RGS20: variants seen among roughly 807,000 people sequenced by gnomAD.
RGS20 encodes regulator of G protein signaling 20, also known as gz-selective GTPase-activating protein.
A neutral mutation model predicts 33.6 loss-of-function variants in RGS20; 30 were observed. The observed-to-expected ratio is 0.89, with a 90% CI of 0.67 to 1.21. RGS20 has a LOEUF of 1.21. RGS20 is among the 50% of genes most tolerant of loss of function. The probability of loss-of-function intolerance (pLI) is 0.00; values close to 1 mark genes in which losing one functional copy is unlikely to be tolerated. For missense variants in RGS20, 472 were observed against 502.4 expected (o/e 0.94, Z 0.58); for synonymous variants, 208 against 197.9 (o/e 1.05, Z -0.43).
chr8:53,868,233 C>T (rs1269069018), intron 1 of RGS20, among the ~76,000 whole-genome samples: 1 of 152,054 alleles, frequency 6.6e-6, no homozygotes, highest in Non-Finnish European at 1.5e-5. Context: ...AAATTTTGGT[C>T]TAAGATGATG....
chr8:53,888,617 C>T (rs967710062), intron 2 of RGS20, among the ~76,000 whole-genome samples: 21 of 152,144 alleles, frequency 1.4e-4, no homozygotes, highest in African/African-American at 5.1e-4. Flanking sequence ...TGTCTCTAGA[C>T]ATTGCCAAGC....
At chr8:53,932,677 G>A (rs1053028551) in intron 2 of RGS20, among the ~76,000 whole-genome samples, 2 of 152,194 alleles carry the variant, frequency 1.3e-5, no homozygotes, top group African/African-American at 2.4e-5. Flanking sequence ...AAAGCACCTG[G>A]GGGAAGGGGC....
intron 2 of RGS20, among the ~76,000 whole-genome samples, chr8:53,937,542 TTAAAC>T (rs1394810956): frequency 2.0e-5 from 3 of 152,030 alleles, no homozygotes; most frequent in Admixed American, 2.0e-4. Context: ...TGGGATCTAA[TTAAAC>T]TAAAGAACTT....
chr8:53,932,642 G>T (rs995438538), intron 2 of RGS20, among the ~76,000 whole-genome samples: 1 of 152,186 alleles, frequency 6.6e-6, no homozygotes, highest in African/African-American at 2.4e-5. Flanking sequence ...GGGGCTTATA[G>T]ATAAAACTCT....
intron 1 of RGS20, among the ~76,000 whole-genome samples, chr8:53,875,368 G>A (rs1368303576): frequency 7.0e-6 from 1 of 143,290 alleles, no homozygotes; most frequent in African/African-American, 2.6e-5. Flanking sequence ...GGAGGTGGAG[G>A]TTGCAGTGAG....
At chr8:53,946,505 T>A (rs756113199) in intron 3 of RGS20, 160 bp from the exon 3 acceptor site, 1 of 733,256 alleles carries the variant, frequency 1.4e-6, no homozygotes, top group Non-Finnish European at 2.5e-6. Flanking sequence ...GTCACACTTT[T>A]GGTTTGCTTG....
At chr8:53,917,142 T>C (rs1813511945) in intron 2 of RGS20, among the ~76,000 whole-genome samples, 1 of 151,908 alleles carries the variant, frequency 6.6e-6, no homozygotes, top group Non-Finnish European at 1.5e-5. Flanking sequence ...GGTTGGTTTT[T>C]TGTTTTGTTT....
intron 4 of RGS20, 115 bp from the exon 4 acceptor site, chr8:53,953,961 T>TA: frequency 1.3e-6 from 1 of 790,062 alleles, no homozygotes; most frequent in East Asian, 2.5e-5. Flanking sequence ...TAAAAGGGCC[T>TA]AAATGCATAT....
chr8:53,851,923 C>G lies in RGS20; in HGVS notation c.24C>G (p.Asn8Lys). The change falls in exon 1 of 6, where the codon AAC (asparagine) becomes AAG (lysine). Residue 8 changes from asparagine (N) to lysine (K), a missense_variant. Asn to Lys is a moderately conservative substitution (Grantham distance 94). Around this residue, in one of 3 missense-constraint regions of RGS20, gnomAD observed 28 missense variants for 49.6 expected, o/e 0.57. Transcript: ENST00000297313. ...ACATGCCCCAGCTTTCCCAAGATAA[C>G]CAAGAGTGCCTCCAGAAACATTTCT... 1 of 1,614,098 alleles carries G rather than the reference C, an allele frequency of 6.2e-7. No individual in the cohort carries two copies. Among genetic ancestry groups the G allele is most frequent in the Non-Finnish European group, 8.5e-7 (1 of 1,179,998 alleles).
At chr8:53,879,116 A>G in intron 1 of RGS20, 1 of 692,254 alleles carries the variant, frequency 1.4e-6, no homozygotes, top group Non-Finnish European at 2.5e-6. Context: ...GAATCTAACT[A>G]TAGGCCTTTC....
intron 3 of RGS20, among the ~76,000 whole-genome samples, chr8:53,940,094 G>T (rs1413888264): frequency 1.3e-5 from 2 of 152,180 alleles, no homozygotes; most frequent in African/African-American, 4.8e-5. Context: ...TTAAAGGTTA[G>T]GGCGATGAAG....
chr8:53,909,474 C>T (rs1051613379), intron 2 of RGS20, among the ~76,000 whole-genome samples: 1 of 151,684 alleles, frequency 6.6e-6, no homozygotes, highest in Non-Finnish European at 1.5e-5. Context: ...TGGTCTCAAA[C>T]TCCTAGGCTG....
At chr8:53,925,045 C>G (rs1173827422) in intron 2 of RGS20, among the ~76,000 whole-genome samples, 3 of 152,222 alleles carry the variant, frequency 2.0e-5, no homozygotes, top group African/African-American at 7.2e-5. Flanking sequence ...GATGTTGCCT[C>G]TGCCCATTAC....
intron 1 of RGS20, among the ~76,000 whole-genome samples, chr8:53,854,388 A>G (rs1255002813): frequency 6.6e-6 from 1 of 152,244 alleles, no homozygotes; most frequent in Non-Finnish European, 1.5e-5. Flanking sequence ...TAAAAGACAA[A>G]CAATCCAACA....
At chr8:53,920,626 C>G (rs1443049833) in intron 2 of RGS20, among the ~76,000 whole-genome samples, 1 of 151,956 alleles carries the variant, frequency 6.6e-6, no homozygotes, top group Admixed American at 6.6e-5. Flanking sequence ...AGAGAGAAAG[C>G]CATCAGTCTT....
intron 2 of RGS20, among the ~76,000 whole-genome samples, chr8:53,886,480 A>G (rs1295282725): frequency 1.3e-5 from 2 of 152,226 alleles, no homozygotes; most frequent in Non-Finnish European, 2.9e-5. Context: ...TTATTTCAAT[A>G]GTTATTAAAG....
intron 3 of RGS20, among the ~76,000 whole-genome samples, chr8:53,940,357 C>T (rs184873763): frequency 6.6e-6 from 1 of 152,290 alleles, no homozygotes; most frequent in African/African-American, 2.4e-5. Flanking sequence ...ACCTAAAAAT[C>T]ATGGGAACTT....
chr8:53,857,466 C>A (rs1811702812), intron 1 of RGS20, among the ~76,000 whole-genome samples: 1 of 152,024 alleles, frequency 6.6e-6, no homozygotes, highest in African/African-American at 2.4e-5. Context: ...CTCACAGAAC[C>A]CAGGACAATC....
chr8:53,950,438 C>T (rs1210464564), intron 4 of RGS20, among the ~76,000 whole-genome samples: 3 of 152,068 alleles, frequency 2.0e-5, no homozygotes, highest in East Asian at 3.8e-4. Flanking sequence ...TTGAACATCC[C>T]AAGTCCAAAA....
Sources: allele counts gnomAD v4.1 joint callset (sites outside exome capture counted in the v4.1 genomes callset), GRCh38; gene constraint gnomAD v4.1.1; regional missense constraint gnomAD v4.1.1; transcripts MANE v1.5; gene names NCBI Gene and HGNC (gene_info 2026-07-23, HGNC 2026-07-21).